The following AR variants were observed in gnomAD, a reference collection of about 807,000 sequenced individuals.
AR encodes the protein androgen receptor.
AR carries 8 observed loss-of-function variants against 53.9 expected under a neutral mutation model. That is an observed-to-expected ratio of 0.15 (90% CI 0.09 to 0.27). AR has a LOEUF of 0.27. Among genes scored for constraint, AR ranks in the 10% least tolerant of loss-of-function variants. The pLI, the probability that AR is intolerant of heterozygous loss-of-function variation, is 1.00. For synonymous variants in AR, 359 were observed against 316.4 expected, an observed-to-expected ratio of 1.13 and a Z score of -1.43; for missense variants, 639 against 742.5, an observed-to-expected ratio of 0.86 and a Z score of 1.62.
At chrX:67,613,657 A>G (rs1313823761) in intron 1 of AR, among the ~76,000 whole-genome samples, 3 of 111,621 alleles carry the variant, frequency 2.7e-5, no homozygotes, top group African/African-American at 9.8e-5. Flanking sequence ...AGCATTCCTC[A>G]AGCCACACAT....
intron 2 of AR, among the ~76,000 whole-genome samples, chrX:67,648,061 T>C (rs887035944): frequency 8.9e-6 from 1 of 112,118 alleles, no homozygotes; most frequent in Admixed American, 9.5e-5. Flanking sequence ...TCTGTACTTA[T>C]AAATCTGCAT....
chrX:67,580,172 A>G (rs929814457), intron 1 of AR, among the ~76,000 whole-genome samples: 9 of 110,348 alleles, frequency 8.2e-5, no homozygotes, highest in African/African-American at 3.0e-4. Flanking sequence ...CAAGGGAAAA[A>G]AAAAAAAGCA....
chrX:67,687,135 C>T (rs1304540803), intron 3 of AR, among the ~76,000 whole-genome samples: 2 of 111,726 alleles, frequency 1.8e-5, no homozygotes, highest in African/African-American at 3.3e-5. Flanking sequence ...ACCCAAGTGC[C>T]TAGAATCCAA....
Position 67,590,674 on chromosome X carries a change from A to G in AR, c.1616+43912A>G, listed in dbSNP as rs1245384183. On this transcript the variant is annotated intron_variant, in intron 1 of 7. Transcript: ENST00000374690. ...GGATAATTTAGATGTGACTCTGGAC[A>G]GAGGGATGGATCAGATGACTTCTTA... Among the ~76,000 whole-genome samples the G allele has an allele frequency of 3.6e-5, 4 of 112,041 alleles. 1 individual carries two copies. Among genetic ancestry groups the G allele is most frequent in the African/African-American group, 1.3e-4 (4 of 30,854 alleles).
At chrX:67,679,937 C>G (rs1291625685) in intron 2 of AR, among the ~76,000 whole-genome samples, 1 of 111,851 alleles carries the variant, frequency 8.9e-6, no homozygotes. Flanking sequence ...TCTGTCTTCA[C>G]TTATGTTTTC....
chrX:67,558,221 A>C (rs988316474), intron 1 of AR, among the ~76,000 whole-genome samples: 3 of 112,536 alleles, frequency 2.7e-5, no homozygotes, highest in African/African-American at 9.7e-5. Flanking sequence ...TCTTTGGTCC[A>C]TACTGAGAAC....
chrX:67,729,194 A>G lies in AR; in HGVS notation c.*5353A>G, dbSNP rs1391757068. ...TCTGTAAAGATTTTGACAAATGAAA[A>G]TGTGTTTTTCTCTGTTAAAACTTGT... is the stretch of plus-strand genomic sequence containing the variant. On this transcript the variant is annotated 3_prime_UTR_variant, in exon 8 of 8. Transcript: ENST00000374690. 1.1e-5 allele frequency: 2 copies of G among 174,575 alleles called. No individual in the cohort carries two copies. The highest frequency in any genetic ancestry group is 2.2e-5 in the Non-Finnish European group (2 of 91,407). The allele number at this position is 174,575 out of a possible 1,213,427, so 14.4% of individuals were successfully genotyped here.
chrX:67,719,273 G>T (rs2076126131), intron 5 of AR, among the ~76,000 whole-genome samples: 1 of 111,768 alleles, frequency 8.9e-6, no homozygotes, highest in African/African-American at 3.3e-5. Context: ...GCCTTGAAAA[G>T]CCCCCTAACT....
rs3032358 is a variant in AR at position 67,545,316 on chromosome X, TGCAGCAGCAGCAGCAGCA to T, written c.222_239del (p.Gln75_Gln80del). 3,891 of 1,001,605 alleles carry T rather than the reference TGCAGCAGCAGCAGCAGCA, an allele frequency of 3.9e-3. 38 individuals are homozygous for T. The highest frequency in any genetic ancestry group is 0.025 in the African/African-American group (1,040 of 42,204). 82.5% of individuals were successfully genotyped at this position (1,001,605 alleles called of 1,213,427 possible). On this transcript the variant is annotated inframe_deletion, in exon 1 of 8. Coordinates refer to ENST00000374690, the MANE Select transcript of AR (RefSeq NM_000044.6). Reference sequence around the variant, plus strand: ...CCTCCCGGCGCCAGTTTGCTGCTGCTGCAGCAGCAGCAGCAGCAGCAGCAGCAGCAGCAGCAGCAGCAG... The same window carrying T: ...CCTCCCGGCGCCAGTTTGCTGCTGCTGCAGCAGCAGCAGCAGCAGCAGCAG...
intron 1 of AR, among the ~76,000 whole-genome samples, chrX:67,588,009 T>C (rs1271590668): frequency 9.0e-6 from 1 of 111,497 alleles, no homozygotes; most frequent in African/African-American, 3.3e-5. Context: ...TTTTTCTGTC[T>C]TCCAAGGCCC....
intron 2 of AR, among the ~76,000 whole-genome samples, chrX:67,677,492 T>C (rs1290510818): frequency 8.9e-6 from 1 of 111,999 alleles, no homozygotes; most frequent in African/African-American, 3.2e-5. Context: ...CTATAACATT[T>C]CGTACACTGC....
At chrX:67,567,155 T>C (rs1921589078) in intron 1 of AR, among the ~76,000 whole-genome samples, 2 of 111,496 alleles carry the variant, frequency 1.8e-5, no homozygotes, top group Admixed American at 1.9e-4. Flanking sequence ...AACGTAACTC[T>C]TCTCTAGCGT....
intron 2 of AR, among the ~76,000 whole-genome samples, chrX:67,661,548 A>G (rs1221085958): frequency 1.8e-5 from 2 of 111,698 alleles, no homozygotes; most frequent in Non-Finnish European, 3.8e-5. Flanking sequence ...CCAGCCTTGC[A>G]TCCCAGGGAT....
intron 4 of AR, among the ~76,000 whole-genome samples, chrX:67,715,375 G>A (rs1472594667): frequency 1.8e-5 from 2 of 111,390 alleles, no homozygotes; most frequent in African/African-American, 6.5e-5. Context: ...AGTGAAGGTG[G>A]GAAGCACAGG....
intron 2 of AR, among the ~76,000 whole-genome samples, chrX:67,674,159 G>GTCTC (rs758684375): frequency 9.4e-6 from 1 of 106,359 alleles, no homozygotes; most frequent in Non-Finnish European, 1.9e-5. Flanking sequence ...AACAAATAGA[G>GTCTC]TCTCTCTCTC....
chrX:67,698,105 A>T (rs1443892263), intron 3 of AR, among the ~76,000 whole-genome samples: 1 of 112,238 alleles, frequency 8.9e-6, no homozygotes. Flanking sequence ...GGAGTTACAA[A>T]TGAGGCATCC....
chrX:67,628,682 G>A (rs1017867760), intron 1 of AR, among the ~76,000 whole-genome samples: 1 of 110,888 alleles, frequency 9.0e-6, no homozygotes, highest in Non-Finnish European at 1.9e-5. Flanking sequence ...TGTTGAATAG[G>A]AGTGGTGAGA....
chrX:67,594,379 T>C (rs1922983656), intron 1 of AR, among the ~76,000 whole-genome samples: 1 of 112,166 alleles, frequency 8.9e-6, no homozygotes, highest in Non-Finnish European at 1.9e-5. Flanking sequence ...GTTTTTATCA[T>C]AGTATACATG....
chrX:67,586,797 C>A (rs1253552035), intron 1 of AR, among the ~76,000 whole-genome samples: 1 of 111,568 alleles, frequency 9.0e-6, no homozygotes, highest in African/African-American at 3.3e-5. Flanking sequence ...AGTTAATGAC[C>A]ACTCCAGACC....
Sources: allele counts gnomAD v4.1 joint callset (sites outside exome capture counted in the v4.1 genomes callset), GRCh38; gene constraint gnomAD v4.1.1; transcripts MANE v1.5; gene names NCBI Gene and HGNC (gene_info 2026-07-23, HGNC 2026-07-21).